Variants in TANGO6 observed in about 807,000 individuals in gnomAD.
The protein encoded by TANGO6 is transport and Golgi organization protein 6 homolog.
TANGO6 carries 90 observed loss-of-function variants against 114.2 expected under a neutral mutation model. That is an observed-to-expected ratio of 0.79 (90% CI 0.66 to 0.94). The LOEUF is 0.94. TANGO6 is among the 40% of genes least tolerant of loss of function. The pLI is 0.00. For synonymous variants in TANGO6, 477 were observed against 509.8 expected (o/e 0.94, Z 0.87); for missense variants, 1,274 against 1,315.3 (o/e 0.97, Z 0.49).
intron 1 of TANGO6, among the ~76,000 whole-genome samples, chr16:68,847,693 T>C (rs1269554220): frequency 6.6e-6 from 1 of 152,130 alleles, no homozygotes; most frequent in Non-Finnish European, 1.5e-5. Context: ...ACACTTGTCC[T>C]GGAAAGTCCT....
chr16:68,860,045 A>C lies in TANGO6; in HGVS notation c.256A>C (p.Asn86His), dbSNP rs1395999306. 1 of 1,613,876 alleles carries C rather than the reference A, an allele frequency of 6.2e-7. No homozygotes were observed. The highest frequency in any genetic ancestry group is 8.5e-7 in the Non-Finnish European group (1 of 1,179,880). The change falls in exon 2 of 18, where the codon AAC (asparagine) becomes CAC (histidine). Residue 86 changes from asparagine (N) to histidine (H), a missense_variant. Asn to His is a moderately conservative substitution (Grantham distance 68). Coordinates refer to ENST00000261778, the MANE Select transcript of TANGO6 (RefSeq NM_024562.2). ...EIADKAEWPQ[N>H]SVDVTWSFTS... ...TGCTGATAAGGCAGAATGGCCACAAAACTCTGTGGATGTCACTTGGAGTTT... is the reference window on the plus strand; with the variant it reads ...TGCTGATAAGGCAGAATGGCCACAACACTCTGTGGATGTCACTTGGAGTTT...
intron 15 of TANGO6, among the ~76,000 whole-genome samples, chr16:69,015,464 T>TTTTATTTTATTTATTTATTTA (rs1555528109): frequency 7.0e-6 from 1 of 143,868 alleles, no homozygotes; most frequent in Admixed American, 7.1e-5. Context: ...GCTCATTTTA[T>TTTTATTTTATTTATTTATTTA]TTTATTTATT....
Position 68,909,202 on chromosome 16 carries a change from T to C in TANGO6, c.1801-9T>C, listed in dbSNP as rs1339037812. On this transcript the variant is annotated splice_polypyrimidine_tract_variant and intron_variant, in intron 10 of 17. Transcript: ENST00000261778. Reference sequence around the variant, plus strand: ...TATCTTCACTTTTTCTTTCCTGCCATGCTTGTAGGAGTTGACTCATGTGGC... The same window carrying C: ...TATCTTCACTTTTTCTTTCCTGCCACGCTTGTAGGAGTTGACTCATGTGGC... 6.6e-7 allele frequency: 1 copy of C among 1,504,442 alleles called. No individual in the cohort carries two copies. Among genetic ancestry groups the C allele is most frequent in the Non-Finnish European group, 8.9e-7 (1 of 1,120,300 alleles). 93.2% of individuals were successfully genotyped at this position (1,504,442 alleles called of 1,614,324 possible). A position where few individuals can be genotyped will look rare whatever the true frequency, so the allele number is the denominator to read the frequency against.
At chr16:68,871,299 C>A (rs1962263962) in intron 4 of TANGO6, among the ~76,000 whole-genome samples, 1 of 152,188 alleles carries the variant, frequency 6.6e-6, no homozygotes, top group East Asian at 1.9e-4. Context: ...AAATGATATA[C>A]CATTTTTCCC....
intron 12 of TANGO6, among the ~76,000 whole-genome samples, chr16:68,923,840 T>C (rs1391732090): frequency 6.8e-6 from 1 of 146,558 alleles, no homozygotes; most frequent in Non-Finnish European, 1.5e-5. Flanking sequence ...TTTTGTTTTG[T>C]TTTTTCAAAA....
chr16:68,898,982 G>A (rs1326786282), intron 7 of TANGO6, among the ~76,000 whole-genome samples: 1 of 113,690 alleles, frequency 8.8e-6, no homozygotes, highest in African/African-American at 3.7e-5. Flanking sequence ...TATTATTATT[G>A]GTTTACTTGG....
In TANGO6 at chr16:68,843,557, CGGCGGCGGCG is replaced by C; in HGVS notation, c.-60_-51del. 1 of 1,498,822 alleles carries C rather than the reference CGGCGGCGGCG, an allele frequency of 6.7e-7. No homozygotes were observed. Among genetic ancestry groups the C allele is most frequent in the East Asian group, 2.3e-5 (1 of 43,696 alleles). The allele number at this position is 1,498,822 out of a possible 1,614,324, so 92.8% of individuals were successfully genotyped here. On this transcript the variant is annotated 5_prime_UTR_variant, in exon 1 of 18. It removes the in-frame stop codon of an upstream open reading frame in the 5' UTR. Coordinates refer to ENST00000261778, the MANE Select transcript of TANGO6 (RefSeq NM_024562.2). The stretch of plus-strand genomic sequence containing the variant: ...GAGCCTTCTGCCACACTTAACATGG[CGGCGGCGGCG>C]CCCTGCCGAGGCGCCTGAGCGGGTC...
chr16:69,059,063 A>G (rs1960076794), intron 17 of TANGO6, among the ~76,000 whole-genome samples: 1 of 142,952 alleles, frequency 7.0e-6, no homozygotes, highest in Non-Finnish European at 1.5e-5. Context: ...ACCCATTACC[A>G]TGCCCAGCTA....
intron 15 of TANGO6, among the ~76,000 whole-genome samples, chr16:68,987,157 T>TA (rs1963902617): frequency 2.7e-5 from 2 of 72,990 alleles, no homozygotes; most frequent in Non-Finnish European, 5.2e-5. Flanking sequence ...CATTTTTTTC[T>TA]ATTTTTTTTC....
intron 14 of TANGO6, among the ~76,000 whole-genome samples, chr16:68,944,944 C>T (rs181827911): frequency 6.6e-6 from 1 of 152,188 alleles, no homozygotes; most frequent in East Asian, 1.9e-4. Context: ...GTCAGGAGTT[C>T]GAGACCAGCC....
chr16:68,988,921 C>G (rs1027572882), intron 15 of TANGO6, among the ~76,000 whole-genome samples: 1 of 152,056 alleles, frequency 6.6e-6, no homozygotes, highest in African/African-American at 2.4e-5. Flanking sequence ...GGCTAGAGTG[C>G]AAAGCCATGA....
At chr16:68,868,642 C>T (rs4783690) in intron 4 of TANGO6, among the ~76,000 whole-genome samples, 5 of 151,822 alleles carry the variant, frequency 3.3e-5, no homozygotes, top group Admixed American at 6.6e-5. Context: ...GGACTAAAGG[C>T]GCCTGCCACC....
chr16:68,952,613 C>G (rs1963481378), intron 14 of TANGO6, among the ~76,000 whole-genome samples: 1 of 152,210 alleles, frequency 6.6e-6, no homozygotes, highest in Non-Finnish European at 1.5e-5. Context: ...TACCCCCTCT[C>G]AGGTCACGTT....
At chr16:68,983,819 G>A (rs1963864979) in intron 15 of TANGO6, among the ~76,000 whole-genome samples, 2 of 152,050 alleles carry the variant, frequency 1.3e-5, no homozygotes, top group South Asian at 2.1e-4. Context: ...GGATCATGAG[G>A]TCAGGAGATC....
chr16:69,035,724 C>G (rs1959674737), intron 16 of TANGO6: 1 of 152,110 alleles, frequency 6.6e-6, no homozygotes, highest in Admixed American at 6.6e-5. Context: ...AGAAAGCTTT[C>G]CATAGTGTGG....
intron 2 of TANGO6, among the ~76,000 whole-genome samples, chr16:68,862,156 G>GC (rs1477334099): frequency 6.6e-6 from 1 of 151,818 alleles, no homozygotes; most frequent in African/African-American, 2.4e-5. Flanking sequence ...TCCTGCCTCA[G>GC]CCTCCCGAGT....
At chr16:68,852,211 G>C (rs1425635831) in intron 1 of TANGO6, among the ~76,000 whole-genome samples, 1 of 152,096 alleles carries the variant, frequency 6.6e-6, no homozygotes, top group East Asian at 1.9e-4. Context: ...ATTCTAGTTG[G>C]TAGAAAGACA....
At chr16:69,038,541 C>G (rs1298915704) in intron 16 of TANGO6, among the ~76,000 whole-genome samples, 1 of 151,924 alleles carries the variant, frequency 6.6e-6, no homozygotes, top group Non-Finnish European at 1.5e-5. Flanking sequence ...TTAAAGCTTA[C>G]ATGAATGCCT....
intron 16 of TANGO6, among the ~76,000 whole-genome samples, chr16:69,028,263 C>T (rs182442367): frequency 6.6e-6 from 1 of 152,236 alleles, no homozygotes; most frequent in East Asian, 1.9e-4. Context: ...TCCCGGCCCT[C>T]CAAATATTAT....
Sources: gnomAD v4.1 joint callset for allele counts (sites outside exome capture counted in the v4.1 genomes callset) on GRCh38, gnomAD v4.1.1 for gene constraint, MANE v1.5 for transcripts, NCBI Gene and HGNC (gene_info 2026-07-23, HGNC 2026-07-21) for gene names.